Variants in DDX4 observed in about 807,000 individuals in gnomAD.
The protein encoded by DDX4 is probable ATP-dependent RNA helicase DDX4.
In DDX4, 25 loss-of-function variants were observed where a neutral mutation model predicts 100.0. That is an observed-to-expected ratio of 0.25 (90% CI 0.18 to 0.35). The LOEUF (loss-of-function observed/expected upper bound fraction) is 0.35. Among genes scored for constraint, DDX4 ranks in the 10% least tolerant of loss-of-function variants. The pLI is 1.00. For missense variants in DDX4, 635 were observed against 882.4 expected, an observed-to-expected ratio of 0.72 and a Z score of 3.55; for synonymous variants, 259 against 275.7, an observed-to-expected ratio of 0.94 and a Z score of 0.60.
At chr5:55,801,090 T>TA (rs1007763461) in intron 18 of DDX4, among the ~76,000 whole-genome samples, 11 of 152,142 alleles carry the variant, frequency 7.2e-5, no homozygotes, top group African/African-American at 2.2e-4. Context: ...ATTAAAAAAA[T>TA]ACATGTATAT....
At chr5:55,752,473 G>T (rs1759628159) in intron 3 of DDX4, among the ~76,000 whole-genome samples, 1 of 147,602 alleles carries the variant, frequency 6.8e-6, no homozygotes, top group Non-Finnish European at 1.5e-5. Context: ...TGAGAATGAT[G>T]ATTTCCAATT....
At position 55,816,682 on chromosome 5, in the gene DDX4, C is replaced by T; in HGVS notation, c.*142C>T. 4 of 1,359,606 alleles carry T rather than the reference C, an allele frequency of 2.9e-6. No homozygotes were observed. Among genetic ancestry groups the T allele is most frequent in the Non-Finnish European group, 2.9e-6 (3 of 1,028,530 alleles). The allele number at this position is 1,359,606 out of a possible 1,614,324, so 84.2% of individuals were successfully genotyped here. ...TCACTCCTACACTTAAAAAAAAAAT[C>T]CTTACTGACTAGTTATGTGAGATGC... On this transcript the variant is annotated 3_prime_UTR_variant, in exon 22 of 22. Coordinates refer to ENST00000505374, the MANE Select transcript of DDX4 (RefSeq NM_024415.3).
chr5:55,806,291 T>G (rs1743709829), intron 18 of DDX4, among the ~76,000 whole-genome samples: 1 of 152,170 alleles, frequency 6.6e-6, no homozygotes. Context: ...GATTCATTGA[T>G]TTTTTGAAGG....
chr5:55,794,836 C>T (rs576134208), intron 17 of DDX4, among the ~76,000 whole-genome samples: 8 of 152,184 alleles, frequency 5.3e-5, no homozygotes, highest in Admixed American at 2.0e-4. Flanking sequence ...TCATTCTGTG[C>T]GAAGTCCTTT....
intron 4 of DDX4, among the ~76,000 whole-genome samples, chr5:55,760,677 A>G (rs903229300): frequency 2.0e-5 from 3 of 152,150 alleles, no homozygotes; most frequent in Admixed American, 1.3e-4. Flanking sequence ...AGTATAGGAA[A>G]CATTTGTTAG....
intron 2 of DDX4, among the ~76,000 whole-genome samples, chr5:55,741,139 T>C (rs904278683): frequency 6.6e-6 from 1 of 152,216 alleles, no homozygotes; most frequent in Non-Finnish European, 1.5e-5. Context: ...GAGATTTTTG[T>C]CTTCATGAAG....
intron 15 of DDX4, 111 bp from the exon 16 acceptor site, chr5:55,790,465 G>T: frequency 1.3e-6 from 1 of 758,618 alleles, no homozygotes. Context: ...TATTTTTTTA[G>T]ATAGTTGAAT....
In DDX4 at chr5:55,746,124, C is replaced by T. The variant is rs753028554; in HGVS notation, c.70-40C>T. The T allele has an allele frequency of 4.6e-6, 7 of 1,508,846 alleles. No individual in the cohort carries two copies. In the Admixed American group the frequency reaches 1.3e-4, roughly 29 times the overall value. 93.5% of individuals were successfully genotyped at this position (1,508,846 alleles called of 1,614,324 possible). ...GTGAAATAAATGACACGTTCATATT[C>T]AAAGTAGGAAACTAGTTTTTTCTTT... On this transcript the variant is annotated intron_variant, in intron 2 of 21. Coordinates refer to ENST00000505374, the MANE Select transcript of DDX4 (RefSeq NM_024415.3).
At chr5:55,800,814 C>A (rs960268154) in intron 18 of DDX4, among the ~76,000 whole-genome samples, 1 of 152,026 alleles carries the variant, frequency 6.6e-6, no homozygotes, top group Admixed American at 6.6e-5. Context: ...ATAGTTGATA[C>A]CTTTTTAACT....
intron 2 of DDX4, among the ~76,000 whole-genome samples, chr5:55,742,945 G>T (rs535929159): frequency 6.6e-6 from 1 of 152,276 alleles, no homozygotes; most frequent in Non-Finnish European, 1.5e-5. Context: ...TCATGAGCCT[G>T]AGACTTAAAG....
chr5:55,816,662 C>T lies in DDX4; in HGVS notation c.*122C>T, dbSNP rs886271862. ...TAGCTCCTGTCCTTGTATTCTCACT[C>T]CTACACTTAAAAAAAAAATCCTTAC... On this transcript the variant is annotated 3_prime_UTR_variant, in exon 22 of 22. Coordinates refer to ENST00000505374, the MANE Select transcript of DDX4 (RefSeq NM_024415.3). 6 of 1,443,914 alleles carry T rather than the reference C, an allele frequency of 4.2e-6. No individual in the cohort carries two copies. The highest frequency in any genetic ancestry group is 5.5e-6 in the Non-Finnish European group (6 of 1,093,690). 89.4% of individuals were successfully genotyped at this position (1,443,914 alleles called of 1,614,324 possible).
chr5:55,740,821 T>C (rs1196876336), intron 2 of DDX4, among the ~76,000 whole-genome samples: 2 of 152,048 alleles, frequency 1.3e-5, no homozygotes, highest in Admixed American at 6.6e-5. Flanking sequence ...CACCCAGCCA[T>C]ATAACAGTAA....
chr5:55,813,869 T>C, intron 19 of DDX4, 97 bp downstream of exon 19: 1 of 1,329,416 alleles, frequency 7.5e-7, no homozygotes, highest in South Asian at 2.1e-5. Context: ...AATCCTAGGA[T>C]TGGGATTCAG....
chr5:55,796,965 C>T (rs1333388074), intron 17 of DDX4, among the ~76,000 whole-genome samples: 6 of 151,360 alleles, frequency 4.0e-5, no homozygotes, highest in African/African-American at 1.5e-4. Context: ...CCACCTCAGC[C>T]TCCTGGGTAG....
At chr5:55,785,091 A>G (rs1235166293) in intron 10 of DDX4, among the ~76,000 whole-genome samples, 2 of 152,222 alleles carry the variant, frequency 1.3e-5, no homozygotes, top group Non-Finnish European at 2.9e-5. Flanking sequence ...AAGTGTAGTA[A>G]TATGTAATAG....
intron 18 of DDX4, among the ~76,000 whole-genome samples, chr5:55,799,234 A>G (rs79155969): frequency 0.013 from 2,012 of 151,940 alleles, 18 homozygotes; most frequent in Non-Finnish European, 0.023. Flanking sequence ...TGCCTAGCTA[A>G]TTCTATTATT....
In DDX4 at chr5:55,781,499, G is replaced by T. The variant is rs969268798; in HGVS notation, c.577+353G>T. 5.9e-5 allele frequency among the ~76,000 whole-genome samples: 9 copies of T among 152,246 alleles called. No individual in the cohort carries two copies. In the South Asian group the frequency reaches 1.7e-3, roughly 28 times the overall value. On this transcript the variant is annotated intron_variant, in intron 9 of 21. Coordinates refer to ENST00000505374, the MANE Select transcript of DDX4 (RefSeq NM_024415.3). ...AAGGTTAAAGTTAAACCTAGAGGCC[G>T]GGCGTGGTGGCTCATGCCTGTAATC...
chr5:55,814,194 A>G (rs1373585700), intron 19 of DDX4, among the ~76,000 whole-genome samples: 1 of 152,238 alleles, frequency 6.6e-6, no homozygotes, highest in African/African-American at 2.4e-5. Context: ...ATCCTAAAAT[A>G]TCACGTAGTA....
At chr5:55,761,936 C>T (rs954025582) in intron 4 of DDX4, among the ~76,000 whole-genome samples, 3 of 152,148 alleles carry the variant, frequency 2.0e-5, no homozygotes, top group African/African-American at 7.2e-5. Flanking sequence ...TGATTTTCTT[C>T]TCAGTAGAAC....
Sources: gnomAD v4.1 joint callset for allele counts (sites outside exome capture counted in the v4.1 genomes callset) on GRCh38, gnomAD v4.1.1 for gene constraint, MANE v1.5 for transcripts, NCBI Gene and HGNC (gene_info 2026-07-23, HGNC 2026-07-21) for gene names.